DNAJC1: variants seen among roughly 807,000 people sequenced by gnomAD.
DNAJC1 encodes the protein dnaJ homolog subfamily C member 1.
Under a neutral mutation model 76.6 loss-of-function variants are expected in DNAJC1, and 58 were observed. The ratio of observed to expected loss-of-function variants is 0.76; its 90% CI spans 0.61 to 0.94. The LOEUF (loss-of-function observed/expected upper bound fraction) is 0.94, where lower values mean the gene tolerates loss of function less well. Among genes scored for constraint, DNAJC1 ranks in the 40% least tolerant of loss-of-function variants. The pLI is 0.00. For missense variants in DNAJC1, 689 were observed against 677.3 expected (o/e 1.02, Z -0.19); for synonymous variants, 258 against 267.9 (o/e 0.96, Z 0.36).
At chr10:21,798,422 G>C (rs974425093) in intron 9 of DNAJC1, among the ~76,000 whole-genome samples, 10 of 152,100 alleles carry the variant, frequency 6.6e-5, no homozygotes, top group Non-Finnish European at 1.2e-4. Flanking sequence ...AATATGGCCT[G>C]GTCTTCCACT....
At chr10:21,868,555 T>C (rs1836047681) in intron 8 of DNAJC1, among the ~76,000 whole-genome samples, 1 of 152,088 alleles carries the variant, frequency 6.6e-6, no homozygotes, top group Non-Finnish European at 1.5e-5. Context: ...ATGCTAACTA[T>C]AAAAGTTGAT....
At chr10:21,791,884 T>A (rs915803752) in intron 9 of DNAJC1, among the ~76,000 whole-genome samples, 1 of 151,886 alleles carries the variant, frequency 6.6e-6, no homozygotes, top group Admixed American at 6.6e-5. Context: ...AGAGTAGAAA[T>A]AAAATTGAAA....
intron 9 of DNAJC1, among the ~76,000 whole-genome samples, chr10:21,770,384 AT>A (rs1195937804): frequency 4.0e-5 from 5 of 124,836 alleles, no homozygotes; most frequent in East Asian, 2.4e-4. Flanking sequence ...TTGTAAGATT[AT>A]TTTTTTCTTC....
intron 8 of DNAJC1, among the ~76,000 whole-genome samples, chr10:21,881,989 C>T (rs1245752889): frequency 6.6e-6 from 1 of 151,642 alleles, no homozygotes; most frequent in Non-Finnish European, 1.5e-5. Flanking sequence ...CCTGTCTCTA[C>T]TAAAAACACA....
chr10:21,774,309 T>G (rs942318063), intron 9 of DNAJC1, among the ~76,000 whole-genome samples: 3 of 152,138 alleles, frequency 2.0e-5, no homozygotes, highest in Non-Finnish European at 4.4e-5. Context: ...ACATATATGA[T>G]CACACAAAGA....
chr10:21,841,753 G>A (rs945299892), intron 8 of DNAJC1, among the ~76,000 whole-genome samples: 3 of 152,088 alleles, frequency 2.0e-5, no homozygotes, highest in African/African-American at 7.2e-5. Flanking sequence ...CCATTACTGG[G>A]TATATACCCA....
chr10:21,785,577 A>T, intron 9 of DNAJC1: 1 of 152,270 alleles, frequency 6.6e-6, no homozygotes, highest in East Asian at 1.9e-4. Context: ...AGATGGCTCT[A>T]GAATTCCTTT....
At chr10:21,795,378 A>T (rs1477880114) in intron 9 of DNAJC1, among the ~76,000 whole-genome samples, 1 of 152,378 alleles carries the variant, frequency 6.6e-6, no homozygotes, top group East Asian at 1.9e-4. Context: ...AAGTGAAAGC[A>T]GCCATATGTG....
intron 6 of DNAJC1, among the ~76,000 whole-genome samples, chr10:21,912,094 G>A (rs1836872754): frequency 6.6e-6 from 1 of 151,982 alleles, no homozygotes; most frequent in Non-Finnish European, 1.5e-5. Context: ...ATTCTGACAG[G>A]GAGTTTAAGA....
intron 10 of DNAJC1, 30 bp downstream of exon 10, chr10:21,766,231 A>T: frequency 6.5e-7 from 1 of 1,532,332 alleles, no homozygotes; most frequent in Non-Finnish European, 9.0e-7. Context: ...ACCACTTTAG[A>T]TTAATGAGAT....
chr10:21,944,209 A>G (rs1283172353), intron 1 of DNAJC1, among the ~76,000 whole-genome samples: 2 of 151,830 alleles, frequency 1.3e-5, no homozygotes, highest in Non-Finnish European at 1.5e-5. Context: ...TTTAATAAGC[A>G]GATTTTTACA....
At chr10:21,905,804 A>G (rs958685475) in intron 6 of DNAJC1, among the ~76,000 whole-genome samples, 3 of 152,118 alleles carry the variant, frequency 2.0e-5, no homozygotes, top group Admixed American at 6.6e-5. Context: ...CCTGATGACT[A>G]ACTAAGGTGA....
intron 8 of DNAJC1, among the ~76,000 whole-genome samples, chr10:21,819,195 G>A (rs1471741405): frequency 6.6e-6 from 1 of 152,136 alleles, no homozygotes; most frequent in East Asian, 1.9e-4. Flanking sequence ...GAGGTCAAGA[G>A]ATCAAGACCA....
At chr10:21,954,004 A>G (rs1032756833) in intron 1 of DNAJC1, among the ~76,000 whole-genome samples, 5 of 151,968 alleles carry the variant, frequency 3.3e-5, no homozygotes, top group African/African-American at 1.2e-4. Flanking sequence ...AGCACTGTAC[A>G]CTGTCTCTCA....
At chr10:21,798,367 C>T (rs950492135) in intron 9 of DNAJC1, among the ~76,000 whole-genome samples, 3 of 152,196 alleles carry the variant, frequency 2.0e-5, no homozygotes, top group African/African-American at 7.2e-5. Flanking sequence ...TTTCCCATCT[C>T]GCTCAGGGTA....
At chr10:21,999,743 A>G (rs1397178258) in intron 1 of DNAJC1, among the ~76,000 whole-genome samples, 2 of 151,914 alleles carry the variant, frequency 1.3e-5, no homozygotes, top group Non-Finnish European at 2.9e-5. Context: ...GTGAGCCACC[A>G]CACCCGGCTC....
chr10:21,945,188 G>A (rs1290179378), intron 1 of DNAJC1, among the ~76,000 whole-genome samples: 1 of 152,202 alleles, frequency 6.6e-6, no homozygotes, highest in Non-Finnish European at 1.5e-5. Context: ...TGTCAGTACT[G>A]CTGATGTCAG....
chr10:21,911,079 G>T, intron 6 of DNAJC1, among the ~76,000 whole-genome samples: 1 of 146,312 alleles, frequency 6.8e-6, no homozygotes, highest in Admixed American at 6.9e-5. Flanking sequence ...AAGGAAGGAA[G>T]GAAGGAAGGC....
intron 9 of DNAJC1, among the ~76,000 whole-genome samples, chr10:21,773,886 A>G (rs886305062): frequency 1.3e-5 from 2 of 151,656 alleles, no homozygotes; most frequent in Non-Finnish European, 2.9e-5. Context: ...TCACGCCTGT[A>G]ATCCCAGCAC....
Sources: gnomAD v4.1 joint callset for allele counts (sites outside exome capture counted in the v4.1 genomes callset) on GRCh38, gnomAD v4.1.1 for gene constraint, MANE v1.5 for transcripts, NCBI Gene and HGNC (gene_info 2026-07-23, HGNC 2026-07-21) for gene names.